UBE2E2: variants seen among roughly 807,000 people sequenced by gnomAD.
UBE2E2 encodes the protein ubiquitin conjugating enzyme E2 E2, also known as ubiquitin-conjugating enzyme E2 E2.
UBE2E2 carries 6 observed loss-of-function variants against 24.7 expected under a neutral mutation model. That is an observed-to-expected ratio of 0.24 (90% CI 0.13 to 0.48). UBE2E2 has a LOEUF of 0.48. UBE2E2 is among the 20% of genes least tolerant of loss of function. The pLI is 0.99. For synonymous variants in UBE2E2, 104 were observed against 83.6 expected, an observed-to-expected ratio of 1.24 and a Z score of -1.33; for missense variants, 169 against 245.0, an observed-to-expected ratio of 0.69 and a Z score of 2.07.
chr3:23,328,166 A>G (rs976259206), intron 3 of UBE2E2, among the ~76,000 whole-genome samples: 9 of 152,244 alleles, frequency 5.9e-5, no homozygotes, highest in Non-Finnish European at 1.0e-4. Context: ...AAAGAAAAGA[A>G]ATATGAGGCA....
chr3:23,374,476 T>C (rs1696470729), intron 3 of UBE2E2, among the ~76,000 whole-genome samples: 1 of 152,232 alleles, frequency 6.6e-6, no homozygotes, highest in African/African-American at 2.4e-5. Context: ...TATAAAATGC[T>C]ACTTAGGCAG....
At chr3:23,400,486 T>C (rs9822891) in intron 3 of UBE2E2, among the ~76,000 whole-genome samples, 206 of 152,106 alleles carry the variant, frequency 1.4e-3, no homozygotes, top group Middle Eastern at 0.01. Context: ...ATTTAATGTA[T>C]TGATGAGGAA....
At chr3:23,360,486 G>T (rs1696084178) in intron 3 of UBE2E2, among the ~76,000 whole-genome samples, 1 of 152,130 alleles carries the variant, frequency 6.6e-6, no homozygotes, top group Admixed American at 6.6e-5. Context: ...AAAATAATTA[G>T]AATATGATGT....
chr3:23,241,199 C>T (rs1201616008), intron 3 of UBE2E2, among the ~76,000 whole-genome samples: 2 of 152,222 alleles, frequency 1.3e-5, no homozygotes, highest in South Asian at 2.1e-4. Context: ...GTCATCAAAT[C>T]GTTTTTGTCC....
At chr3:23,299,809 G>C (rs1285654773) in intron 3 of UBE2E2, among the ~76,000 whole-genome samples, 1 of 152,144 alleles carries the variant, frequency 6.6e-6, no homozygotes, top group African/African-American at 2.4e-5. Context: ...TCCACTTGGT[G>C]CAGAGCTGAG....
intron 3 of UBE2E2, among the ~76,000 whole-genome samples, chr3:23,484,434 C>T (rs190884957): frequency 1.3e-5 from 2 of 152,138 alleles, no homozygotes; most frequent in African/African-American, 4.8e-5. Flanking sequence ...AGCTCACCTA[C>T]CAGGAAATGA....
intron 3 of UBE2E2, among the ~76,000 whole-genome samples, chr3:23,222,701 G>A (rs1280726340): frequency 6.6e-6 from 1 of 152,142 alleles, no homozygotes; most frequent in Non-Finnish European, 1.5e-5. Flanking sequence ...TATGGGCAGC[G>A]TGAAAATGGA....
chr3:23,516,912 A>G (rs74458622), intron 4 of UBE2E2, among the ~76,000 whole-genome samples: 167 of 152,284 alleles, frequency 1.1e-3, no homozygotes, highest in Non-Finnish European at 1.7e-3. Context: ...CATGATGAAC[A>G]TGACCACTTT....
intron 3 of UBE2E2, among the ~76,000 whole-genome samples, chr3:23,297,686 G>A (rs1559337867): frequency 6.6e-6 from 1 of 152,050 alleles, no homozygotes; most frequent in Non-Finnish European, 1.5e-5. Flanking sequence ...TTTGGTTACT[G>A]TAGCCTTGTA....
intron 5 of UBE2E2, among the ~76,000 whole-genome samples, chr3:23,545,588 A>G (rs1194039410): frequency 6.6e-6 from 1 of 152,158 alleles, no homozygotes; most frequent in East Asian, 1.9e-4. Flanking sequence ...TTCTTTCTAC[A>G]CAGACACAGT....
intron 3 of UBE2E2, among the ~76,000 whole-genome samples, chr3:23,282,085 GA>G (rs1448768558): frequency 6.6e-6 from 1 of 152,184 alleles, no homozygotes; most frequent in Non-Finnish European, 1.5e-5. Context: ...CAAGGGCTGA[GA>G]CTTGAACTCA....
At chr3:23,362,391 T>G (rs1320279867) in intron 3 of UBE2E2, among the ~76,000 whole-genome samples, 7 of 152,146 alleles carry the variant, frequency 4.6e-5, no homozygotes, top group African/African-American at 1.7e-4. Flanking sequence ...GAGACCACTT[T>G]GAGACTTGGG....
In UBE2E2 at chr3:23,385,079, C is replaced by T. The variant is rs1307801257; in HGVS notation, c.228-114529C>T. 3.3e-5 allele frequency among the ~76,000 whole-genome samples: 5 copies of T among 151,958 alleles called. No homozygotes were observed. The East Asian group carries it at 9.6e-4, about 29-fold the overall frequency. ...CCAAGTAGCTGGGACCACGGGCGCA[C>T]ACTACCACACCTGGCCAATGAAAAA... is the stretch of plus-strand genomic sequence containing the variant. On this transcript the variant is annotated intron_variant, in intron 3 of 5. Transcript: ENST00000396703.
At chr3:23,205,578 T>C (rs1696125337) in intron 1 of UBE2E2, among the ~76,000 whole-genome samples, 1 of 152,186 alleles carries the variant, frequency 6.6e-6, no homozygotes, top group Admixed American at 6.5e-5. Context: ...TTCCTTTTAT[T>C]ATTGATATTT....
chr3:23,566,746 C>A (rs183596788), intron 5 of UBE2E2, among the ~76,000 whole-genome samples: 5 of 152,122 alleles, frequency 3.3e-5, no homozygotes, highest in African/African-American at 9.7e-5. Flanking sequence ...GATCCACCCC[C>A]CTGACCCCAA....
At chr3:23,265,488 G>A (rs1266901157) in intron 3 of UBE2E2, among the ~76,000 whole-genome samples, 1 of 152,118 alleles carries the variant, frequency 6.6e-6, no homozygotes, top group Admixed American at 6.5e-5. Context: ...GCTGAAGGGG[G>A]ACTAGGGGTA....
At chr3:23,329,033 G>A (rs1293930713) in intron 3 of UBE2E2, among the ~76,000 whole-genome samples, 3 of 152,090 alleles carry the variant, frequency 2.0e-5, no homozygotes, top group Admixed American at 6.6e-5. Context: ...CAATACTTAC[G>A]CCCTTGCCCC....
At chr3:23,479,841 C>T (rs771905170) in intron 3 of UBE2E2, among the ~76,000 whole-genome samples, 5 of 152,114 alleles carry the variant, frequency 3.3e-5, no homozygotes, top group Non-Finnish European at 7.4e-5. Flanking sequence ...CTGGCTGAGT[C>T]TGGGGTTTTT....
At chr3:23,362,452 A>G (rs6769173) in intron 3 of UBE2E2, among the ~76,000 whole-genome samples, 67,181 of 151,962 alleles carry the variant, frequency 0.44, 15,141 homozygotes, top group Admixed American at 0.56. Flanking sequence ...ACCTTCAGTC[A>G]TGGGGCCTGG....
Sources: gnomAD v4.1 joint callset for allele counts (sites outside exome capture counted in the v4.1 genomes callset) on GRCh38, gnomAD v4.1.1 for gene constraint, MANE v1.5 for transcripts, NCBI Gene and HGNC (gene_info 2026-07-23, HGNC 2026-07-21) for gene names.